Variants in SLC7A8 observed in about 807,000 individuals in gnomAD.
SLC7A8 encodes large neutral amino acids transporter small subunit 2.
A neutral mutation model predicts 51.2 loss-of-function variants in SLC7A8; 30 were observed. That is an observed-to-expected ratio of 0.59 (90% CI 0.44 to 0.80). SLC7A8 has a LOEUF of 0.80. Among genes scored for constraint, SLC7A8 ranks in the 30% least tolerant of loss-of-function variants. The pLI is 0.00. For missense variants in SLC7A8, 612 were observed against 674.4 expected (o/e 0.91, Z 1.03); for synonymous variants, 257 against 275.8 (o/e 0.93, Z 0.67).
At chr14:23,172,358 C>T (rs1315760592) in intron 1 of SLC7A8, among the ~76,000 whole-genome samples, 2 of 152,180 alleles carry the variant, frequency 1.3e-5, no homozygotes, top group African/African-American at 4.8e-5. Context: ...GGTGGGCGGG[C>T]AGCAGGTAAT....
At position 23,165,281 on chromosome 14, in the gene SLC7A8, T is replaced by C; in HGVS notation, c.508+4A>G. 1 of 1,607,684 alleles carries C rather than the reference T, an allele frequency of 6.2e-7. No individual in the cohort carries two copies. The highest frequency in any genetic ancestry group is 8.5e-7 in the Non-Finnish European group (1 of 1,177,430). The stretch of plus-strand genomic sequence containing the variant: ...CTTGCTACCAAGACCCAGATGACAC[T>C]TACATAAGCAGATGGCAGCCAGGAG... On this transcript the variant is annotated splice_donor_region_variant and intron_variant, in intron 3 of 10. Coordinates refer to ENST00000316902, the MANE Select transcript of SLC7A8 (RefSeq NM_012244.4). The surrounding 1 kb of genome is among the most constrained non-coding windows in gnomAD (Gnocchi z 4.2).
At chr14:23,156,789 G>A (rs1473219869) in intron 3 of SLC7A8, among the ~76,000 whole-genome samples, 3 of 152,202 alleles carry the variant, frequency 2.0e-5, no homozygotes, top group Admixed American at 2.0e-4. Flanking sequence ...CCAATCAGAA[G>A]TAGACATATT....
chr14:23,169,096 C>T (rs2048963728), intron 1 of SLC7A8, among the ~76,000 whole-genome samples: 1 of 152,192 alleles, frequency 6.6e-6, no homozygotes, highest in Non-Finnish European at 1.5e-5. Context: ...TGCCTGTAAT[C>T]CCAGCACTTT....
At chr14:23,180,028 C>T (rs1877095004) in intron 1 of SLC7A8, among the ~76,000 whole-genome samples, 1 of 151,706 alleles carries the variant, frequency 6.6e-6, no homozygotes, top group Non-Finnish European at 1.5e-5. Flanking sequence ...GCCTCAGCCT[C>T]ACGAGTAGCT....
chr14:23,150,606 C>T (rs561000665), intron 3 of SLC7A8, among the ~76,000 whole-genome samples: 47 of 152,234 alleles, frequency 3.1e-4, no homozygotes, highest in African/African-American at 9.6e-4. Flanking sequence ...AATCATGTGA[C>T]GATACTCTGT....
At chr14:23,127,989 T>C in intron 10 of SLC7A8, 30 bp downstream of exon 10, 1 of 1,601,052 alleles carries the variant, frequency 6.2e-7, no homozygotes. Context: ...CAGGAGGCCC[T>C]GAAGCCAGCC....
In SLC7A8 at chr14:23,138,386, C is replaced by T. The variant is rs78313986; in HGVS notation, c.913-362G>A. Among the ~76,000 whole-genome samples the T allele has an allele frequency of 5.4e-3, 819 of 152,234 alleles. 8 individuals carry two copies. Among genetic ancestry groups the T allele is most frequent in the African/African-American group, 0.019 (782 of 41,524 alleles). ...TGGAAGCCAGGTGGTGTGATCCAGG[C>T]CTTACATACATTATATGATTTCTCC... On this transcript the variant is annotated intron_variant, in intron 6 of 10. Transcript: ENST00000316902.
rs145886415 is a variant in SLC7A8 at position 23,140,565 on chromosome 14, C to T, written c.694G>A (p.Gly232Ser). ...TGAAGGAAAGCCAGTGCGACGAGGC[C>T]GATGTCAGGTTCCTGGAAATTCTCA... is the stretch of plus-strand genomic sequence containing the variant. The part of the protein sequence containing the change: ...AFENFQEPDI[G>S]LVALAFLQGS... The change falls in exon 5 of 11, where the codon GGC (glycine) becomes AGC (serine). Residue 232 changes from glycine to serine, a missense_variant. Physicochemically the swap from Gly to Ser is moderately conservative, Grantham distance 56 (BLOSUM62 0). Transcript: ENST00000316902. 309 of 1,613,984 alleles carry T rather than the reference C, an allele frequency of 1.9e-4. 1 individual carries two copies. Among genetic ancestry groups the T allele is most frequent in the Non-Finnish European group, 2.4e-4 (278 of 1,179,976 alleles).
At chr14:23,163,358 G>A (rs539320617) in intron 3 of SLC7A8, among the ~76,000 whole-genome samples, 95 of 152,278 alleles carry the variant, frequency 6.2e-4, no homozygotes, top group Admixed American at 6.0e-3. Flanking sequence ...AGATGCAGGC[G>A]CAGGCAGCCT....
At chr14:23,160,201 C>A (rs2140331349) in intron 3 of SLC7A8, among the ~76,000 whole-genome samples, 1 of 152,256 alleles carries the variant, frequency 6.6e-6, no homozygotes, top group African/African-American at 2.4e-5. Flanking sequence ...CCAGTGCTTC[C>A]TCTGGATCAT....
At chr14:23,142,930 T>G in intron 4 of SLC7A8, 149 bp downstream of exon 4, 1 of 1,077,048 alleles carries the variant, frequency 9.3e-7, no homozygotes, top group Admixed American at 2.6e-5. Flanking sequence ...CCTTCCCTTT[T>G]GTCAAGCAAG....
At chr14:23,170,608 G>A (rs991499822) in intron 1 of SLC7A8, among the ~76,000 whole-genome samples, 1 of 152,100 alleles carries the variant, frequency 6.6e-6, no homozygotes, top group African/African-American at 2.4e-5. Context: ...ACAGGCGTGT[G>A]CCACCATGCC....
At chr14:23,138,072 C>T (rs768564741) in intron 6 of SLC7A8, 48 bp from the exon 7 acceptor site, 18 of 1,600,456 alleles carry the variant, frequency 1.1e-5, no homozygotes, top group Middle Eastern at 1.7e-4. Context: ...CACCACTCCC[C>T]GACCCCTCAG....
chr14:23,153,383 C>T (rs1042422169), intron 3 of SLC7A8, among the ~76,000 whole-genome samples: 1 of 152,168 alleles, frequency 6.6e-6, no homozygotes, highest in Non-Finnish European at 1.5e-5. Context: ...CTCTGCCCCG[C>T]CTTCCTTCAT....
intron 3 of SLC7A8, among the ~76,000 whole-genome samples, chr14:23,150,569 C>A (rs1173269225): frequency 6.6e-6 from 1 of 152,182 alleles, no homozygotes; most frequent in Non-Finnish European, 1.5e-5. Context: ...CCTCCCTTTT[C>A]TCCATGTAAA....
intron 4 of SLC7A8, among the ~76,000 whole-genome samples, chr14:23,140,828 AC>A: frequency 6.6e-6 from 1 of 152,354 alleles, no homozygotes. Context: ...CCCGGAAACT[AC>A]GAGTCCAAAT....
At chr14:23,169,458 G>A (rs1046576160) in intron 1 of SLC7A8, among the ~76,000 whole-genome samples, 2 of 152,232 alleles carry the variant, frequency 1.3e-5, no homozygotes, top group African/African-American at 4.8e-5. Context: ...CCAGGCTGGA[G>A]TGCAGTGGCA....
intron 8 of SLC7A8, among the ~76,000 whole-genome samples, chr14:23,130,855 C>G (rs963239529): frequency 2.0e-5 from 3 of 152,226 alleles, no homozygotes; most frequent in African/African-American, 7.2e-5. Flanking sequence ...TCAATGGGGA[C>G]AAGTCTTTGT....
chr14:23,143,900 T>C (rs993824053), intron 3 of SLC7A8, among the ~76,000 whole-genome samples: 1 of 152,242 alleles, frequency 6.6e-6, no homozygotes, highest in Non-Finnish European at 1.5e-5. Context: ...AATGGAATCA[T>C]ATAATATGTG....
Sources: gnomAD v4.1 joint callset for allele counts (sites outside exome capture counted in the v4.1 genomes callset) on GRCh38, gnomAD v4.1.1 for gene constraint, Gnocchi (gnomAD v3.1) non-coding constraint, MANE v1.5 for transcripts, NCBI Gene and HGNC (gene_info 2026-07-23, HGNC 2026-07-21) for gene names.